CLIC6: variants seen among roughly 807,000 people sequenced by gnomAD.
CLIC6 encodes chloride intracellular channel protein 6.
CLIC6 carries 39 observed loss-of-function variants against 49.2 expected under a neutral mutation model. The observed-to-expected ratio is 0.79, with a 90% CI of 0.61 to 1.04. The LOEUF is 1.04. Ranked by LOEUF, CLIC6 falls within the 50% of genes least tolerant of loss-of-function variation. CLIC6 has a pLI of 0.00. For synonymous variants in CLIC6, 446 were observed against 433.4 expected, an observed-to-expected ratio of 1.03 and a Z score of -0.36; for missense variants, 988 against 993.1, an observed-to-expected ratio of 0.99 and a Z score of 0.07.
At chr21:34,686,693 G>C (rs1989886413) in intron 1 of CLIC6, among the ~76,000 whole-genome samples, 1 of 152,112 alleles carries the variant, frequency 6.6e-6, no homozygotes, top group Admixed American at 6.5e-5. Flanking sequence ...GGCTACCTGT[G>C]GGTGCTCCAT....
At chr21:34,693,607 A>T (rs890739091) in intron 1 of CLIC6, among the ~76,000 whole-genome samples, 1 of 152,112 alleles carries the variant, frequency 6.6e-6, no homozygotes, top group African/African-American at 2.4e-5. Flanking sequence ...ACCTCAAATC[A>T]CTCTTGCCAA....
chr21:34,708,854 T>G (rs1174783968), intron 4 of CLIC6, 48 bp downstream of exon 4: 15 of 1,358,486 alleles, frequency 1.1e-5, no homozygotes, highest in Non-Finnish European at 1.6e-5. Context: ...GACTTGAGTC[T>G]TAGCATGGCG....
At chr21:34,712,141 G>T (rs1256403759) in intron 5 of CLIC6, among the ~76,000 whole-genome samples, 1 of 152,146 alleles carries the variant, frequency 6.6e-6, no homozygotes, top group Non-Finnish European at 1.5e-5. Flanking sequence ...ATAAGACCCA[G>T]AAGAAAAATC....
At chr21:34,681,054 T>C (rs1989770087) in intron 1 of CLIC6, among the ~76,000 whole-genome samples, 1 of 152,242 alleles carries the variant, frequency 6.6e-6, no homozygotes, top group Admixed American at 6.5e-5. Context: ...TGTTAGTCCA[T>C]TCTCATACTG....
At chr21:34,673,351 G>C (rs1331846238) in intron 1 of CLIC6, among the ~76,000 whole-genome samples, 1 of 152,034 alleles carries the variant, frequency 6.6e-6, no homozygotes, top group Non-Finnish European at 1.5e-5. Flanking sequence ...GTGCAGTGGT[G>C]CTATCTCAGC....
At chr21:34,686,188 G>C (rs1037814562) in intron 1 of CLIC6, among the ~76,000 whole-genome samples, 14 of 152,314 alleles carry the variant, frequency 9.2e-5, no homozygotes, top group Middle Eastern at 3.4e-3. Flanking sequence ...CAGATCACGA[G>C]GTCAGGAGTT....
At position 34,669,635 on chromosome 21, in the gene CLIC6, A is replaced by G; in HGVS notation, c.247A>G (p.Thr83Ala). 1 of 1,293,636 alleles carries G rather than the reference A, an allele frequency of 7.7e-7. No individual in the cohort carries two copies. Among genetic ancestry groups the G allele is most frequent in the Non-Finnish European group, 9.8e-7 (1 of 1,023,708 alleles). 80.1% of individuals were successfully genotyped at this position (1,293,636 alleles called of 1,614,324 possible). Residue 83 changes from threonine to alanine, a missense_variant, in exon 1 of 6, where the codon ACT becomes GCT. Transcript: ENST00000349499. ...ARGTRGAHGE[T>A]EAEEGAPEGA... ...GGGCACGAGGGGGGCGCACGGCGAGACTGAGGCCGAGGAGGGAGCCCCGGA... is the reference window on the plus strand; with the variant it reads ...GGGCACGAGGGGGGCGCACGGCGAGGCTGAGGCCGAGGAGGGAGCCCCGGA...
intron 5 of CLIC6, among the ~76,000 whole-genome samples, chr21:34,714,957 T>C (rs1254128620): frequency 6.6e-6 from 1 of 152,224 alleles, no homozygotes; most frequent in East Asian, 1.9e-4. Flanking sequence ...TAAAACGGAC[T>C]TCTTAACATG....
chr21:34,709,437 T>A lies in CLIC6; in HGVS notation c.1798T>A (p.Tyr600Asn). 6.2e-7 allele frequency: 1 copy of A among 1,614,008 alleles called. No individual in the cohort carries two copies. Residue 600 changes from tyrosine (Y) to asparagine (N), a missense_variant, in exon 5 of 6, where the codon TAC (tyrosine) becomes AAC (asparagine). Physicochemically the swap from Tyr to Asn is moderately radical, Grantham distance 143. Around this residue, in one of 3 missense-constraint regions of CLIC6, gnomAD observed 647 missense variants for 596.9 expected, o/e 1.08. Transcript: ENST00000349499. ...CCCTCTGCCTGATGAAATAGATGCC[T>A]ACAGCACCGAGGATGTCACTGTTTC... ...NSPLPDEIDAYSTEDVTVSGR... is the reference protein window; with the variant it reads ...NSPLPDEIDANSTEDVTVSGR...
At chr21:34,678,241 C>G (rs922644652) in intron 1 of CLIC6, among the ~76,000 whole-genome samples, 1 of 151,040 alleles carries the variant, frequency 6.6e-6, no homozygotes, top group Non-Finnish European at 1.5e-5. Flanking sequence ...ACCATCCTGG[C>G]CAACACGGTG....
At position 34,716,243 on chromosome 21, in the gene CLIC6, C is replaced by T. The variant is rs1322374619; in HGVS notation, c.1900-78C>T. ...CTGGGAAAGAATGTATTGCATGCCTCAGAAGAATGGACTGTCTGACTTGGG... is the reference window on the plus strand; with the variant it reads ...CTGGGAAAGAATGTATTGCATGCCTTAGAAGAATGGACTGTCTGACTTGGG... On this transcript the variant is annotated intron_variant, in intron 5 of 5. Transcript: ENST00000349499. 3.3e-6 allele frequency: 4 copies of T among 1,228,876 alleles called. No homozygotes were observed. In the African/African-American group the frequency reaches 6.0e-5, roughly 19 times the overall value. 76.1% of individuals were successfully genotyped at this position (1,228,876 alleles called of 1,614,324 possible). A position where few individuals can be genotyped will look rare whatever the true frequency, so the allele number is the denominator to read the frequency against.
Position 34,718,201 on chromosome 21 carries a change from A to G in CLIC6, c.*1719A>G, listed in dbSNP as rs1484816404. On this transcript the variant is annotated 3_prime_UTR_variant, in exon 6 of 6. Coordinates refer to ENST00000349499, the MANE Select transcript of CLIC6 (RefSeq NM_053277.3). ...TCTTTGTGCCTTGAAAATGAAACAA[A>G]TTATAAAAATGTTTAAATGGAACCA... is the stretch of plus-strand genomic sequence containing the variant. The G allele has an allele frequency of 1.3e-5, 2 of 152,662 alleles. No homozygotes were observed. Among genetic ancestry groups the G allele is most frequent in the Non-Finnish European group, 2.9e-5 (2 of 68,044 alleles). 9.5% of individuals were successfully genotyped at this position (152,662 alleles called of 1,614,324 possible).
chr21:34,682,697 TC>T (rs1989799692), intron 1 of CLIC6, among the ~76,000 whole-genome samples: 1 of 152,102 alleles, frequency 6.6e-6, no homozygotes, highest in African/African-American at 2.4e-5. Context: ...TCTTAGAATC[TC>T]CAACTTCATT....
chr21:34,684,159 T>C (rs1989832610), intron 1 of CLIC6, among the ~76,000 whole-genome samples: 1 of 152,170 alleles, frequency 6.6e-6, no homozygotes, highest in Non-Finnish European at 1.5e-5. Flanking sequence ...CAAATATTTA[T>C]TGATTACCTG....
chr21:34,703,687 T>A (rs2055995078), intron 1 of CLIC6, among the ~76,000 whole-genome samples: 1 of 152,134 alleles, frequency 6.6e-6, no homozygotes, highest in African/African-American at 2.4e-5. Context: ...GAGGAGGAAC[T>A]GGTGACCTCG....
At chr21:34,696,178 AC>A (rs57155188) in intron 1 of CLIC6, among the ~76,000 whole-genome samples, 8,194 of 149,548 alleles carry the variant, frequency 0.055, 730 homozygotes, top group African/African-American at 0.19. Context: ...ATGACTAGAG[AC>A]CCCCCCCATC....
At chr21:34,708,229 G>T (rs1221228055) in intron 3 of CLIC6, among the ~76,000 whole-genome samples, 160 bp downstream of exon 3, 1 of 152,128 alleles carries the variant, frequency 6.6e-6, no homozygotes, top group African/African-American at 2.4e-5. Context: ...AGAGTTCGGG[G>T]ACCTGGGTTT....
Position 34,670,376 on chromosome 21 carries a change from G to A in CLIC6, c.988G>A (p.Ala330Thr). ...CAGCCCCGGTGAGCTCGCCTGGGACGCAGCGGAGGAGGCGGAGGTCCCGGG... is the reference window on the plus strand; with the variant it reads ...CAGCCCCGGTGAGCTCGCCTGGGACACAGCGGAGGAGGCGGAGGTCCCGGG... ...GRSPGELAWD[A>T]AEEAEVPGVK... Residue 330 changes from alanine (A) to threonine (T), a missense_variant, in exon 1 of 6, where the codon GCA becomes ACA. Around this residue, in one of 3 missense-constraint regions of CLIC6, gnomAD observed 647 missense variants for 596.9 expected, o/e 1.08. Transcript: ENST00000349499. The A allele has an allele frequency of 6.9e-7, 1 of 1,453,678 alleles. No individual in the cohort carries two copies. Among genetic ancestry groups the A allele is most frequent in the Non-Finnish European group, 9.1e-7 (1 of 1,103,856 alleles). 90.0% of individuals were successfully genotyped at this position (1,453,678 alleles called of 1,614,324 possible). A position where few individuals can be genotyped will look rare whatever the true frequency, so the allele number is the denominator to read the frequency against.
chr21:34,717,947 T>G lies in CLIC6; in HGVS notation c.*1465T>G, dbSNP rs2056097034. The G allele has an allele frequency of 6.6e-6, 1 of 152,452 alleles. No homozygotes were observed. The highest frequency in any genetic ancestry group is 1.5e-5 in the Non-Finnish European group (1 of 68,040). 9.4% of individuals were successfully genotyped at this position (152,452 alleles called of 1,614,324 possible). A position where few individuals can be genotyped will look rare whatever the true frequency, so the allele number is the denominator to read the frequency against. On this transcript the variant is annotated 3_prime_UTR_variant, in exon 6 of 6. Coordinates refer to ENST00000349499, the MANE Select transcript of CLIC6 (RefSeq NM_053277.3). The stretch of plus-strand genomic sequence containing the variant: ...AGTGGCCTCTTTCGCTCTTCGATTA[T>G]GACTGCTGCAGTTTTACCCCAGCAG...
Sources: allele counts gnomAD v4.1 joint callset (sites outside exome capture counted in the v4.1 genomes callset), GRCh38; gene constraint gnomAD v4.1.1; regional missense constraint gnomAD v4.1.1; transcripts MANE v1.5; gene names NCBI Gene and HGNC (gene_info 2026-07-23, HGNC 2026-07-21).